Variants in KIAA1614 observed in about 807,000 individuals in gnomAD.
The protein encoded by KIAA1614 is KIAA1614, also known as uncharacterized protein KIAA1614.
A neutral mutation model predicts 88.7 loss-of-function variants in KIAA1614; 76 were observed. The observed-to-expected ratio is 0.86, with a 90% CI of 0.71 to 1.04. KIAA1614 has a LOEUF of 1.04. KIAA1614 is among the 50% of genes least tolerant of loss of function. KIAA1614 has a pLI of 0.00. For missense variants in KIAA1614, 1,553 were observed against 1,582.5 expected, an observed-to-expected ratio of 0.98 and a Z score of 0.32; for synonymous variants, 714 against 675.5, an observed-to-expected ratio of 1.06 and a Z score of -0.88.
Position 180,936,073 on chromosome 1 carries a change from C to G in KIAA1614, c.2164C>G (p.Gln722Glu). The change falls in exon 5 of 9, where the codon CAG (glutamine) becomes GAG (glutamate). Residue 722 changes from glutamine (Q) to glutamate (E), a missense_variant. Gln to Glu is a conservative substitution (Grantham distance 29). Coordinates refer to ENST00000367588, the MANE Select transcript of KIAA1614 (RefSeq NM_020950.2). The part of the protein sequence containing the change: ...LELKRVSLGP[Q>E]WQPGPGLGSH... Reference sequence around the variant, plus strand: ...GTTGAAGCGGGTGTCCCTGGGACCCCAGTGGCAGCCTGGACCAGGGCTGGG... The same window carrying G: ...GTTGAAGCGGGTGTCCCTGGGACCCGAGTGGCAGCCTGGACCAGGGCTGGG... The G allele has an allele frequency of 1.9e-6, 3 of 1,614,116 alleles. No homozygotes were observed. In the South Asian group the frequency reaches 3.3e-5, roughly 18 times the overall value.
chr1:180,941,032 C>T lies in KIAA1614; in HGVS notation c.2919-13C>T. On this transcript the variant is annotated splice_polypyrimidine_tract_variant and intron_variant, in intron 6 of 8. Coordinates refer to ENST00000367588, the MANE Select transcript of KIAA1614 (RefSeq NM_020950.2). The stretch of plus-strand genomic sequence containing the variant: ...CCCTCCCCCGCCCCCTCACCTCCAC[C>T]CTTGTGTTTCAGAGCATCAGCAGGA... 1.3e-6 allele frequency: 2 copies of T among 1,577,246 alleles called. No individual in the cohort carries two copies. Among genetic ancestry groups the T allele is most frequent in the Non-Finnish European group, 1.7e-6 (2 of 1,160,012 alleles).
rs993213623 is a variant in KIAA1614 at position 180,921,506 on chromosome 1, C to A, written c.1061+3592C>A. 2.0e-5 allele frequency among the ~76,000 whole-genome samples: 3 copies of A among 152,104 alleles called. No individual in the cohort carries two copies. The East Asian group carries it at 5.8e-4, about 29-fold the overall frequency. Reference sequence around the variant, plus strand: ...GTCCTCTAGCTGCCAAGTATTGGAGCCAGGTTTTGCACTCAGGGCTGCCGG... The same window carrying A: ...GTCCTCTAGCTGCCAAGTATTGGAGACAGGTTTTGCACTCAGGGCTGCCGG... On this transcript the variant is annotated intron_variant, in intron 3 of 8. Coordinates refer to ENST00000367588, the MANE Select transcript of KIAA1614 (RefSeq NM_020950.2).
chr1:180,918,862 C>A (rs1482922133), intron 3 of KIAA1614, among the ~76,000 whole-genome samples: 1 of 152,186 alleles, frequency 6.6e-6, no homozygotes. Flanking sequence ...GGCTTACTAA[C>A]AGAAATTTAT....
At chr1:180,922,754 C>A (rs965737052) in intron 3 of KIAA1614, among the ~76,000 whole-genome samples, 1 of 152,222 alleles carries the variant, frequency 6.6e-6, no homozygotes, top group African/African-American at 2.4e-5. Flanking sequence ...GTTTCCCACC[C>A]GCCAAGCAAT....
At position 180,945,856 on chromosome 1, in the gene KIAA1614, G is replaced by C. The variant is rs1292328213; in HGVS notation, c.*268G>C. 1 of 1,197,292 alleles carries C rather than the reference G, an allele frequency of 8.4e-7. No individual in the cohort carries two copies. Among genetic ancestry groups the C allele is most frequent in the African/African-American group, 1.6e-5 (1 of 62,538 alleles). 74.2% of individuals were successfully genotyped at this position (1,197,292 alleles called of 1,614,324 possible). A position where few individuals can be genotyped will look rare whatever the true frequency, so the allele number is the denominator to read the frequency against. Reference sequence around the variant, plus strand: ...GCAGTGGCTCATGCCTGTAATCCCAGAACTTTGGGAGGCCGAGGCGCCTGG... The same window carrying C: ...GCAGTGGCTCATGCCTGTAATCCCACAACTTTGGGAGGCCGAGGCGCCTGG... On this transcript the variant is annotated 3_prime_UTR_variant, in exon 9 of 9. Transcript: ENST00000367588.
Position 180,941,107 on chromosome 1 carries a change from A to G in KIAA1614, c.2981A>G (p.Lys994Arg). 1 of 1,613,176 alleles carries G rather than the reference A, an allele frequency of 6.2e-7. No homozygotes were observed. The highest frequency in any genetic ancestry group is 8.5e-7 in the Non-Finnish European group (1 of 1,179,810). ...TCGGCTGCCCCTTTGGACCAGAACA[A>G]GAAAAGGAGCAGCAGCATAGCCTCC... ...SPSAAPLDQN[K>R]KRSSSIASTL... Residue 994 changes from lysine to arginine, a missense_variant, in exon 7 of 9, where the codon AAG (lysine) becomes AGG (arginine). Transcript: ENST00000367588.
chr1:180,943,938 T>C (rs1276561477), intron 7 of KIAA1614: 1 of 161,384 alleles, frequency 6.2e-6, no homozygotes, highest in Non-Finnish European at 1.3e-5. Context: ...TTGAATGATT[T>C]CTTGTCTTTT....
chr1:180,941,308 A>T (rs751363946), intron 7 of KIAA1614, 23 bp downstream of exon 7: 4 of 1,588,156 alleles, frequency 2.5e-6, no homozygotes, highest in Non-Finnish European at 2.6e-6. Context: ...GCCCCAGCCC[A>T]GGGAGTGAAG....
At position 180,941,248 on chromosome 1, in the gene KIAA1614, C is replaced by G. The variant is rs1241638880; in HGVS notation, c.3122C>G (p.Ser1041Ter). 1.2e-6 allele frequency: 2 copies of G among 1,613,720 alleles called. No individual in the cohort carries two copies. The highest frequency in any genetic ancestry group is 4.5e-5 in the East Asian group (2 of 44,886). ...QLQPAPPGLT[S>*]QSRAPSLQSL... ...CAGCCCGCCCCGCCTGGCCTGACGT[C>G]ACAGTCCAGGGCCCCATCGTTACAA... is the stretch of plus-strand genomic sequence containing the variant. Residue 1041 changes from serine to a stop codon, truncating the protein, a stop_gained, in exon 7 of 9, where the codon TCA (serine) becomes TGA (stop). Coordinates refer to ENST00000367588, the MANE Select transcript of KIAA1614 (RefSeq NM_020950.2). LOFTEE classifies it high-confidence loss of function.
chr1:180,951,384 G>A lies in KIAA1614; in HGVS notation c.*5796G>A, dbSNP rs535257421. 17 of 152,330 alleles carry A rather than the reference G, an allele frequency of 1.1e-4. No homozygotes were observed. Among genetic ancestry groups the A allele is most frequent in the African/African-American group, 4.1e-4 (17 of 41,558 alleles). 9.4% of individuals were successfully genotyped at this position (152,330 alleles called of 1,614,324 possible). On this transcript the variant is annotated 3_prime_UTR_variant, in exon 9 of 9. Transcript: ENST00000367588. ...CCTCCATCTTAGTTCTGTCCAGCTT[G>A]GAGACAGGGCTGCGGCAGGTGCCTG...
At chr1:180,918,607 G>A (rs1206435006) in intron 3 of KIAA1614, among the ~76,000 whole-genome samples, 1 of 152,192 alleles carries the variant, frequency 6.6e-6, no homozygotes, top group Non-Finnish European at 1.5e-5. Flanking sequence ...CTCAGTCTTT[G>A]CGAGGCTCCT....
chr1:180,919,527 G>A (rs1406572417), intron 3 of KIAA1614, among the ~76,000 whole-genome samples: 1 of 152,136 alleles, frequency 6.6e-6, no homozygotes, highest in Non-Finnish European at 1.5e-5. Context: ...GGCTGGGGCA[G>A]ATGCCCTCTT....
Position 180,938,626 on chromosome 1 carries a change from T to A in KIAA1614, c.2833T>A (p.Ser945Thr). 1.9e-6 allele frequency: 3 copies of A among 1,614,120 alleles called. No homozygotes were observed. The highest frequency in any genetic ancestry group is 2.5e-6 in the Non-Finnish European group (3 of 1,179,988). Reference sequence around the variant, plus strand: ...CTCCACGGGCATCACCCTCTCCCTGTCCTCAGAGGAGTCAGAGTCCAGCAA... The same window carrying A: ...CTCCACGGGCATCACCCTCTCCCTGACCTCAGAGGAGTCAGAGTCCAGCAA... Reference protein sequence around the residue: ...INSTGITLSLSSEESESSKES... With the variant: ...INSTGITLSLTSEESESSKES... Residue 945 changes from serine to threonine, a missense_variant, in exon 6 of 9, where the codon TCC becomes ACC. By Grantham distance (58) the Ser-to-Thr change is moderately conservative. Coordinates refer to ENST00000367588, the MANE Select transcript of KIAA1614 (RefSeq NM_020950.2).
Position 180,936,642 on chromosome 1 carries a change from G to C in KIAA1614, c.2733G>C (p.Pro911=). ...AGAGGGGCCCCTGCAGCCGGGAACC[G>C]GAGCCGCCCCTGGAGAACAGCAGAG... ...RVERGPCSRE[P]EPPLENSRDG... Residue 911 remains proline (P), a synonymous_variant, in exon 5 of 9, where the codon CCG becomes CCC. Coordinates refer to ENST00000367588, the MANE Select transcript of KIAA1614 (RefSeq NM_020950.2). 1 of 1,567,824 alleles carries C rather than the reference G, an allele frequency of 6.4e-7. No individual in the cohort carries two copies. The highest frequency in any genetic ancestry group is 8.6e-7 in the Non-Finnish European group (1 of 1,160,184).
rs919688078 is a variant in KIAA1614, at chr1:180,945,379, C to T, written c.3364C>T (p.Arg1122Cys). 1.3e-5 allele frequency: 20 copies of T among 1,599,346 alleles called. No individual in the cohort carries two copies. The highest frequency in any genetic ancestry group is 4.5e-5 in the South Asian group (4 of 89,126). The change falls in exon 9 of 9, where the codon CGC (arginine) becomes TGC (cysteine). Residue 1122 changes from arginine (R) to cysteine (C), a missense_variant. Coordinates refer to ENST00000367588, the MANE Select transcript of KIAA1614 (RefSeq NM_020950.2). ...TCCCAGCCTGGCTCGCACCGTGGGC[C>T]GCCTGGTGGAGGTGTTCCCAGACGG... ...GAPSLARTVG[R>C]LVEVFPDGTS...
In KIAA1614 at chr1:180,920,466, G is replaced by A. The variant is rs1653930045; in HGVS notation, c.1061+2552G>A. 1.3e-5 allele frequency among the ~76,000 whole-genome samples: 2 copies of A among 152,224 alleles called. 1 individual carries two copies. Among genetic ancestry groups the A allele is most frequent in the South Asian group, 4.1e-4 (2 of 4,832 alleles). On this transcript the variant is annotated intron_variant, in intron 3 of 8. Coordinates refer to ENST00000367588, the MANE Select transcript of KIAA1614 (RefSeq NM_020950.2). ...AAGGGGGCCCCAGGACATCAGTCAGGACGTGCTCTGGCAGGAGGAAAGCGC... is the reference window on the plus strand; with the variant it reads ...AAGGGGGCCCCAGGACATCAGTCAGAACGTGCTCTGGCAGGAGGAAAGCGC...
intron 4 of KIAA1614, among the ~76,000 whole-genome samples, chr1:180,934,563 C>T (rs1654273306): frequency 6.6e-6 from 1 of 152,178 alleles, no homozygotes; most frequent in African/African-American, 2.4e-5. Flanking sequence ...GCACTCCAGC[C>T]TGGGCATCAT....
chr1:180,919,077 C>A (rs1406160695), intron 3 of KIAA1614, among the ~76,000 whole-genome samples: 1 of 152,162 alleles, frequency 6.6e-6, no homozygotes, highest in East Asian at 1.9e-4. Flanking sequence ...TACTTACCTC[C>A]CAAAGCTCCA....
chr1:180,928,969 G>A (rs796920606), intron 4 of KIAA1614, among the ~76,000 whole-genome samples: 10 of 152,378 alleles, frequency 6.6e-5, no homozygotes, highest in African/African-American at 2.4e-4. Context: ...CTTCTTAGCT[G>A]AGGCTTGACG....
Sources: gnomAD v4.1 joint callset for allele counts (sites outside exome capture counted in the v4.1 genomes callset) on GRCh38, gnomAD v4.1.1 for gene constraint, MANE v1.5 for transcripts, NCBI Gene and HGNC (gene_info 2026-07-23, HGNC 2026-07-21) for gene names.